The following ATRNL1 variants were observed in gnomAD, a reference collection of about 807,000 sequenced individuals.
The protein encoded by ATRNL1 is attractin like 1, also known as attractin-like protein 1.
Under a neutral mutation model 182.7 loss-of-function variants are expected in ATRNL1, and 95 were observed. The ratio of observed to expected loss-of-function variants is 0.52; its 90% CI spans 0.44 to 0.62. The LOEUF is 0.62. Among genes scored for constraint, ATRNL1 ranks in the 20% least tolerant of loss-of-function variants. The pLI is 0.00. For missense variants in ATRNL1, 1,471 were observed against 1,679.5 expected (o/e 0.88, Z 2.17); for synonymous variants, 576 against 568.3 (o/e 1.01, Z -0.19).
At chr10:115,444,458 TG>T (rs1846857923) in intron 21 of ATRNL1, among the ~76,000 whole-genome samples, 1 of 152,068 alleles carries the variant, frequency 6.6e-6, no homozygotes, top group East Asian at 1.9e-4. Flanking sequence ...GCTTTTTAGT[TG>T]TTTTATATTA....
At position 115,510,501 on chromosome 10, in the gene ATRNL1, G is replaced by A. The variant is rs557921196; in HGVS notation, c.3655-8762G>A. The stretch of plus-strand genomic sequence containing the variant: ...CCAGCAAAAAGAAAACATGCTAAAG[G>A]CTCAGATGATCATTAGCAGTTTTTA... On this transcript the variant is annotated intron_variant, in intron 24 of 28. Coordinates refer to ENST00000355044, the MANE Select transcript of ATRNL1 (RefSeq NM_207303.4). Among the ~76,000 whole-genome samples the A allele has an allele frequency of 3.9e-5, 6 of 152,000 alleles. No homozygotes were observed. The South Asian group carries it at 1.2e-3, about 32-fold the overall frequency.
At chr10:115,589,857 C>G (rs527568062) in intron 26 of ATRNL1, among the ~76,000 whole-genome samples, 1 of 152,290 alleles carries the variant, frequency 6.6e-6, no homozygotes, top group South Asian at 2.1e-4. Flanking sequence ...AGGAGCCCAT[C>G]ATGGTTAGTA....
chr10:115,423,816 A>G (rs1845755758), intron 20 of ATRNL1, among the ~76,000 whole-genome samples: 1 of 152,228 alleles, frequency 6.6e-6, no homozygotes, highest in Admixed American at 6.5e-5. Context: ...ATGTGAGACT[A>G]CTGGAAGAGA....
At chr10:115,832,940 C>T (rs1555094211) in intron 27 of ATRNL1, among the ~76,000 whole-genome samples, 1 of 152,024 alleles carries the variant, frequency 6.6e-6, no homozygotes, top group African/African-American at 2.4e-5. Flanking sequence ...CAAGGTAATT[C>T]CCTTCTAAAT....
At chr10:115,552,581 C>G (rs1237622784) in intron 26 of ATRNL1, among the ~76,000 whole-genome samples, 1 of 151,266 alleles carries the variant, frequency 6.6e-6, no homozygotes, top group East Asian at 1.9e-4. Context: ...TGTGTTCATT[C>G]AACTAGATGT....
chr10:115,311,863 CT>C (rs1270994080), intron 17 of ATRNL1, among the ~76,000 whole-genome samples: 37 of 149,034 alleles, frequency 2.5e-4, no homozygotes, highest in African/African-American at 7.4e-4. Flanking sequence ...TAATGAACTT[CT>C]TTTTTTTTTC....
intron 19 of ATRNL1, among the ~76,000 whole-genome samples, chr10:115,384,838 G>T (rs1858241794): frequency 6.6e-6 from 1 of 150,930 alleles, no homozygotes. Context: ...CTTTCACTCA[G>T]CATTTTTAAT....
Position 115,564,445 on chromosome 10 carries a change from A to T in ATRNL1, c.3795+14909A>T, listed in dbSNP as rs569579281. 2.6e-5 allele frequency among the ~76,000 whole-genome samples: 4 copies of T among 151,680 alleles called. No homozygotes were observed. In the East Asian group the frequency reaches 5.8e-4, roughly 22 times the overall value. ...CCTTGAGTAGCTAGAATTGAAGATA[A>T]TTTTTTTCTTATATCTCTTTTTAAT... is the stretch of plus-strand genomic sequence containing the variant. On this transcript the variant is annotated intron_variant, in intron 26 of 28. Transcript: ENST00000355044.
chr10:115,309,213 C>T (rs1010739611), intron 17 of ATRNL1, among the ~76,000 whole-genome samples: 10 of 151,930 alleles, frequency 6.6e-5, no homozygotes, highest in Non-Finnish European at 4.4e-5. Flanking sequence ...AATATGATGC[C>T]TCCAGATTTG....
At chr10:115,860,742 G>A (rs1951297250) in intron 28 of ATRNL1, among the ~76,000 whole-genome samples, 1 of 152,098 alleles carries the variant, frequency 6.6e-6, no homozygotes, top group Admixed American at 6.6e-5. Context: ...TAACTTCCGG[G>A]ACTAATTCAT....
chr10:115,100,473 G>T (rs181640803), intron 1 of ATRNL1, among the ~76,000 whole-genome samples: 7 of 151,884 alleles, frequency 4.6e-5, no homozygotes, highest in Admixed American at 3.9e-4. Flanking sequence ...CAGTTTTTTG[G>T]CATATAGGTA....
intron 5 of ATRNL1, among the ~76,000 whole-genome samples, chr10:115,158,984 A>C (rs1469858451): frequency 2.0e-5 from 3 of 151,804 alleles, no homozygotes; most frequent in African/African-American, 4.8e-5. Context: ...AGATTTGTAA[A>C]AAGTAGGTTG....
At position 115,498,130 on chromosome 10, in the gene ATRNL1, T is replaced by C. The variant is rs186531877; in HGVS notation, c.3655-21133T>C. Among the ~76,000 whole-genome samples the C allele has an allele frequency of 2.6e-5, 4 of 152,316 alleles. No individual in the cohort carries two copies. The East Asian group carries it at 7.7e-4, about 29-fold the overall frequency. ...TCCCACATTAGATTTAATTTAAATATAGTAATTACCCATGACTTAAGAAAA... is the reference window on the plus strand; with the variant it reads ...TCCCACATTAGATTTAATTTAAATACAGTAATTACCCATGACTTAAGAAAA... On this transcript the variant is annotated intron_variant, in intron 24 of 28. Coordinates refer to ENST00000355044, the MANE Select transcript of ATRNL1 (RefSeq NM_207303.4).
At chr10:115,130,912 A>G (rs1346937228) in intron 5 of ATRNL1, among the ~76,000 whole-genome samples, 1 of 152,172 alleles carries the variant, frequency 6.6e-6, no homozygotes, top group African/African-American at 2.4e-5. Context: ...ATACATTTGT[A>G]TAACATTCTC....
intron 13 of ATRNL1, among the ~76,000 whole-genome samples, chr10:115,269,165 G>T (rs570868521): frequency 6.6e-6 from 1 of 152,038 alleles, no homozygotes; most frequent in Admixed American, 6.6e-5. Flanking sequence ...TCTATATATT[G>T]CAGAATAAAA....
At chr10:115,805,743 G>A (rs1949906943) in intron 27 of ATRNL1, among the ~76,000 whole-genome samples, 1 of 152,126 alleles carries the variant, frequency 6.6e-6, no homozygotes, top group Admixed American at 6.6e-5. Flanking sequence ...ACTAAAAGTT[G>A]TATCTGGTAT....
intron 3 of ATRNL1, among the ~76,000 whole-genome samples, chr10:115,125,220 T>C (rs545124749): frequency 6.6e-6 from 1 of 152,338 alleles, no homozygotes; most frequent in Non-Finnish European, 1.5e-5. Flanking sequence ...GTTCTTTATA[T>C]GCATTAGTTT....
At chr10:115,388,365 G>A (rs1843781154) in intron 19 of ATRNL1, among the ~76,000 whole-genome samples, 1 of 152,028 alleles carries the variant, frequency 6.6e-6, no homozygotes, top group Non-Finnish European at 1.5e-5. Flanking sequence ...ATGACTTTTA[G>A]CTTTGGTACT....
chr10:115,834,030 T>G (rs1555094610), intron 27 of ATRNL1, among the ~76,000 whole-genome samples: 1 of 139,446 alleles, frequency 7.2e-6, no homozygotes. Context: ...CCGGAGCACT[T>G]CACTGCTATA....
Sources: gnomAD v4.1 joint callset for allele counts (sites outside exome capture counted in the v4.1 genomes callset) on GRCh38, gnomAD v4.1.1 for gene constraint, MANE v1.5 for transcripts, NCBI Gene and HGNC (gene_info 2026-07-23, HGNC 2026-07-21) for gene names.